The following IQSEC1 variants were observed in gnomAD, a reference collection of about 807,000 sequenced individuals.
The protein encoded by IQSEC1 is IQ motif and Sec7 domain ArfGEF 1, also known as IQ motif and SEC7 domain-containing protein 1.
In IQSEC1, 31 loss-of-function variants were observed where a neutral mutation model predicts 91.0. That is an observed-to-expected ratio of 0.34 (90% CI 0.26 to 0.46). The LOEUF is 0.46. Among genes scored for constraint, IQSEC1 ranks in the 20% least tolerant of loss-of-function variants. The pLI is 1.00. For missense variants in IQSEC1, 1,388 were observed against 1,575.6 expected (o/e 0.88, Z 2.02); for synonymous variants, 699 against 662.6 (o/e 1.05, Z -0.84).
At chr3:13,065,867 A>G (rs1210068455) in intron 1 of IQSEC1, among the ~76,000 whole-genome samples, 2 of 152,202 alleles carry the variant, frequency 1.3e-5, no homozygotes, top group African/African-American at 4.8e-5. Flanking sequence ...GACAAACAAA[A>G]TGTGGTCCAT....
At chr3:13,035,646 T>C (rs11718914) in intron 1 of IQSEC1, among the ~76,000 whole-genome samples, 28,022 of 152,084 alleles carry the variant, frequency 0.18, 2,883 homozygotes, top group South Asian at 0.37. Flanking sequence ...TTGTGGTAGA[T>C]TCTATTTCCA....
chr3:13,185,349 G>T (rs575881783), intron 1 of IQSEC1, among the ~76,000 whole-genome samples: 31 of 152,208 alleles, frequency 2.0e-4, no homozygotes, highest in African/African-American at 7.0e-4. Flanking sequence ...GCCCTCCCTG[G>T]TCACACCTGT....
rs1034381929 is a variant in IQSEC1 at position 13,152,765 on chromosome 3, G to A, written c.302+11339C>T. ...TGGCGCCGTAATCTCAGCTACTCGG[G>A]AGGCTGAGGCAGGAGAATCGCTTGA... On this transcript the variant is annotated intron_variant, in intron 2 of 15. Coordinates refer to the IQSEC1 transcript ENST00000648114. Among the ~76,000 whole-genome samples the A allele has an allele frequency of 7.2e-5, 11 of 152,204 alleles. 1 individual carries two copies. The highest frequency in any genetic ancestry group is 5.9e-4 in the Admixed American group (9 of 15,280).
chr3:13,111,746 A>C (rs1706249811), intron 2 of IQSEC1, among the ~76,000 whole-genome samples: 1 of 152,190 alleles, frequency 6.6e-6, no homozygotes, highest in African/African-American at 2.4e-5. Context: ...TCTCTCTGCC[A>C]TGTGAGGACA....
chr3:13,158,796 T>C (rs1707122864), intron 2 of IQSEC1, among the ~76,000 whole-genome samples: 1 of 152,058 alleles, frequency 6.6e-6, no homozygotes, highest in Non-Finnish European at 1.5e-5. Context: ...ACCCTGTCTC[T>C]ACTAAAAATA....
intron 2 of IQSEC1, among the ~76,000 whole-genome samples, chr3:13,144,895 G>T (rs1706862755): frequency 6.6e-6 from 1 of 152,242 alleles, no homozygotes; most frequent in South Asian, 2.1e-4. Context: ...GGCTTTTGAT[G>T]GCGAGAGACT....
chr3:13,252,141 C>G (rs1444057666), intron 1 of IQSEC1, among the ~76,000 whole-genome samples: 2 of 152,190 alleles, frequency 1.3e-5, no homozygotes, highest in Non-Finnish European at 2.9e-5. Flanking sequence ...CCATCCATCT[C>G]CAGGACTTTT....
intron 2 of IQSEC1, among the ~76,000 whole-genome samples, chr3:13,095,622 G>A (rs536190419): frequency 1.3e-5 from 2 of 152,044 alleles, no homozygotes; most frequent in Non-Finnish European, 2.9e-5. Context: ...ACACTGGGTG[G>A]CTCGGTGGGG....
chr3:12,919,505 G>C (rs988403745), intron 6 of IQSEC1, among the ~76,000 whole-genome samples: 1 of 152,200 alleles, frequency 6.6e-6, no homozygotes, highest in African/African-American at 2.4e-5. Context: ...AGTAGAGCTG[G>C]AGCTGCTCCC....
chr3:13,265,554 G>A (rs1048924562), intron 1 of IQSEC1, among the ~76,000 whole-genome samples: 5 of 152,140 alleles, frequency 3.3e-5, no homozygotes, highest in African/African-American at 1.2e-4. Flanking sequence ...TCTCATGCAG[G>A]AGTCTGGCAG....
intron 2 of IQSEC1, among the ~76,000 whole-genome samples, chr3:13,117,371 G>C (rs1706352229): frequency 1.3e-5 from 2 of 150,704 alleles, no homozygotes; most frequent in Non-Finnish European, 2.9e-5. Context: ...CGGATCACGA[G>C]GTCAGGAGAT....
Position 12,922,374 on chromosome 3 carries a change from C to G in IQSEC1, c.1731-132G>C, listed in dbSNP as rs1159852135. The stretch of plus-strand genomic sequence containing the variant: ...GGCAGGGAGAGCCCCTGCCTGACTC[C>G]GACCAATCAGCCAAGAGCCCTCAGA... On this transcript the variant is annotated intron_variant, in intron 4 of 13. Coordinates refer to ENST00000613206, the MANE Select transcript of IQSEC1 (RefSeq NM_001134382.3). The surrounding 1 kb of genome is among the most constrained non-coding windows in gnomAD (Gnocchi z 5.1). The G allele has an allele frequency of 8.7e-7, 1 of 1,145,174 alleles. No individual in the cohort carries two copies. The highest frequency in any genetic ancestry group is 1.6e-5 in the African/African-American group (1 of 62,948). The allele number at this position is 1,145,174 out of a possible 1,614,324, so 70.9% of individuals were successfully genotyped here.
chr3:13,066,019 C>T (rs528603677), intron 1 of IQSEC1, among the ~76,000 whole-genome samples: 3 of 152,164 alleles, frequency 2.0e-5, no homozygotes, highest in Non-Finnish European at 1.5e-5. Flanking sequence ...CACATGACAT[C>T]CCCAGGGCAG....
chr3:13,059,752 A>G (rs73018510), intron 1 of IQSEC1, among the ~76,000 whole-genome samples: 7,083 of 152,228 alleles, frequency 0.047, 210 homozygotes, highest in South Asian at 0.099. Flanking sequence ...CCCTATCTCT[A>G]AAAAATGAAA....
At chr3:13,030,663 G>A (rs887912042) in intron 1 of IQSEC1, among the ~76,000 whole-genome samples, 1 of 152,244 alleles carries the variant, frequency 6.6e-6, no homozygotes, top group Non-Finnish European at 1.5e-5. Flanking sequence ...AAAAAGGAAG[G>A]GGAGCCTCTA....
At chr3:12,966,531 C>T (rs186793830) in intron 1 of IQSEC1, among the ~76,000 whole-genome samples, 17 of 152,300 alleles carry the variant, frequency 1.1e-4, no homozygotes, top group Admixed American at 2.0e-4. Flanking sequence ...ATTCCCAGCA[C>T]ATACACACAC....
At chr3:13,220,229 C>T (rs1694631695) in intron 1 of IQSEC1, among the ~76,000 whole-genome samples, 1 of 152,238 alleles carries the variant, frequency 6.6e-6, no homozygotes, top group African/African-American at 2.4e-5. Flanking sequence ...GCCAGCCTGG[C>T]CCCTCCAAGG....
In IQSEC1 at chr3:13,072,976, T is replaced by C. The variant is rs1463973368; in HGVS notation, c.23+16A>G. The C allele has an allele frequency of 3.2e-6, 5 of 1,551,078 alleles. 1 individual carries two copies. The South Asian group carries it at 3.6e-5, about 11-fold the overall frequency. Reference sequence around the variant, plus strand: ...TGGCCTCTGGCTTCAGGCAGAAACCTGCCACATATACTCACAAATAGCGTC... The same window carrying C: ...TGGCCTCTGGCTTCAGGCAGAAACCCGCCACATATACTCACAAATAGCGTC... On this transcript the variant is annotated intron_variant, in intron 1 of 13. Coordinates refer to ENST00000613206, the MANE Select transcript of IQSEC1 (RefSeq NM_001134382.3).
intron 2 of IQSEC1, among the ~76,000 whole-genome samples, chr3:12,937,383 T>C (rs1180541166): frequency 2.0e-5 from 3 of 152,234 alleles, no homozygotes; most frequent in Admixed American, 1.3e-4. Context: ...GTTCAAGAGA[T>C]AGGCTAAAGA....
Sources: allele counts gnomAD v4.1 joint callset (sites outside exome capture counted in the v4.1 genomes callset), GRCh38; gene constraint gnomAD v4.1.1; non-coding constraint Gnocchi (gnomAD v3.1); transcripts MANE v1.5; gene names NCBI Gene and HGNC (gene_info 2026-07-23, HGNC 2026-07-21).